Variants in ACAP2 observed in about 807,000 individuals in gnomAD.
ACAP2 encodes arf-GAP with coiled-coil, ANK repeat and PH domain-containing protein 2.
Under a neutral mutation model 115.8 loss-of-function variants are expected in ACAP2, and 39 were observed. The ratio of observed to expected loss-of-function variants is 0.34; its 90% CI spans 0.26 to 0.44. ACAP2 has a LOEUF of 0.44. Ranked by LOEUF, ACAP2 falls within the 20% of genes least tolerant of loss-of-function variation. The pLI is 1.00. For synonymous variants in ACAP2, 289 were observed against 315.8 expected (o/e 0.92, Z 0.90); for missense variants, 662 against 927.6 (o/e 0.71, Z 3.72).
chr3:195,330,881 T>C (rs774413329), intron 8 of ACAP2, among the ~76,000 whole-genome samples: 1 of 152,178 alleles, frequency 6.6e-6, no homozygotes, highest in Non-Finnish European at 1.5e-5. Context: ...TCTCCTTTCC[T>C]TCTTCCCATT....
chr3:195,442,879 A>AGCCGAGGGG lies in ACAP2; in HGVS notation c.-41_-33dup. ...TCCGCCTCGCAGGCGGCGCTGGCAA[A>AGCCGAGGGG]GCCGAGGGGGCCGCGGGAGCGGCCG... On this transcript the variant is annotated 5_prime_UTR_variant, in exon 1 of 23. Coordinates refer to ENST00000326793, the MANE Select transcript of ACAP2 (RefSeq NM_012287.6). The AGCCGAGGGG allele has an allele frequency of 1.3e-6, 2 of 1,504,608 alleles. No homozygotes were observed. The highest frequency in any genetic ancestry group is 1.8e-6 in the Non-Finnish European group (2 of 1,127,574). 93.2% of individuals were successfully genotyped at this position (1,504,608 alleles called of 1,614,324 possible). A position where few individuals can be genotyped will look rare whatever the true frequency, so the allele number is the denominator to read the frequency against.
chr3:195,369,644 T>G (rs1164131617), intron 4 of ACAP2, among the ~76,000 whole-genome samples: 1 of 152,246 alleles, frequency 6.6e-6, no homozygotes, highest in Non-Finnish European at 1.5e-5. Flanking sequence ...ACATTTTCTT[T>G]ATCCAATCTG....
intron 20 of ACAP2, 125 bp downstream of exon 20, chr3:195,291,581 A>G (rs972817168): frequency 6.5e-6 from 4 of 613,186 alleles, no homozygotes; most frequent in Admixed American, 4.0e-5. Flanking sequence ...TCGTGACAAA[A>G]TAAGTCATGG....
At chr3:195,369,039 G>A (rs1180993938) in intron 4 of ACAP2, among the ~76,000 whole-genome samples, 7 of 151,366 alleles carry the variant, frequency 4.6e-5, no homozygotes, top group South Asian at 2.1e-4. Context: ...AGCTGAGATC[G>A]TGCCACTGCA....
At chr3:195,300,044 C>CTTTTTTTTTTT (rs765234326) in intron 15 of ACAP2, among the ~76,000 whole-genome samples, 269 of 34,254 alleles carry the variant, frequency 7.9e-3, no homozygotes, top group African/African-American at 0.011. Context: ...CTTTTTTTTT[C>CTTTTTTTTTTT]TTTTTTTTTT....
rs146158605 is a variant in ACAP2, at chr3:195,403,006, C to A, written c.54-10859G>T. On this transcript the variant is annotated intron_variant, in intron 1 of 22. Transcript: ENST00000326793. ...ATCAATAAGTCAATTGGATGGTATG[C>A]GATAAGGTGGTAAGTACCATGGGAA... Among the ~76,000 whole-genome samples, 37 of 152,028 alleles carry A rather than the reference C, an allele frequency of 2.4e-4. 1 individual carries two copies. In the East Asian group the frequency reaches 7.1e-3, roughly 29 times the overall value.
At chr3:195,371,620 C>T (rs1164595326) in intron 4 of ACAP2, among the ~76,000 whole-genome samples, 2 of 152,130 alleles carry the variant, frequency 1.3e-5, no homozygotes, top group African/African-American at 4.8e-5. Flanking sequence ...AGAGGGCATC[C>T]TTGTCTTATG....
intron 4 of ACAP2, among the ~76,000 whole-genome samples, chr3:195,380,235 A>T (rs1228349414): frequency 6.6e-6 from 1 of 152,206 alleles, no homozygotes; most frequent in East Asian, 1.9e-4. Flanking sequence ...TAAAATAAAC[A>T]TTGTCATATT....
intron 1 of ACAP2, among the ~76,000 whole-genome samples, chr3:195,411,428 A>G (rs1713253212): frequency 6.6e-6 from 1 of 152,258 alleles, no homozygotes; most frequent in African/African-American, 2.4e-5. Context: ...ACGTGTGCAT[A>G]TAATAGAATA....
At chr3:195,299,642 A>T (rs1421990274) in intron 15 of ACAP2, among the ~76,000 whole-genome samples, 1 of 152,140 alleles carries the variant, frequency 6.6e-6, no homozygotes, top group Non-Finnish European at 1.5e-5. Flanking sequence ...ATCGAGACCA[A>T]CCTGGCTAAG....
At chr3:195,356,870 G>T (rs920403670) in intron 4 of ACAP2, among the ~76,000 whole-genome samples, 1 of 151,840 alleles carries the variant, frequency 6.6e-6, no homozygotes. Flanking sequence ...ACTCAGACAT[G>T]CAGACTTCAG....
chr3:195,407,616 G>A (rs1011285699), intron 1 of ACAP2, among the ~76,000 whole-genome samples: 3 of 152,046 alleles, frequency 2.0e-5, no homozygotes, highest in African/African-American at 7.2e-5. Flanking sequence ...CTGGATCACT[G>A]GAGCCTGAAG....
intron 7 of ACAP2, among the ~76,000 whole-genome samples, chr3:195,333,497 A>G (rs1473804421): frequency 2.0e-5 from 3 of 152,252 alleles, no homozygotes; most frequent in Non-Finnish European, 4.4e-5. Context: ...CACCATGCCC[A>G]GCTCACCAAA....
At chr3:195,295,634 A>G (rs1338123618) in intron 17 of ACAP2, 74 bp downstream of exon 17, 15 of 1,505,278 alleles carry the variant, frequency 1.0e-5, no homozygotes, top group Non-Finnish European at 1.4e-5. Flanking sequence ...GACAATGGCT[A>G]TTAGTTCAGG....
chr3:195,385,797 T>G (rs1410681135), intron 2 of ACAP2, among the ~76,000 whole-genome samples: 1 of 152,178 alleles, frequency 6.6e-6, no homozygotes, highest in Admixed American at 6.5e-5. Flanking sequence ...ACTTCCCCTG[T>G]AGGGTTTTAT....
In ACAP2 at chr3:195,423,496, G is replaced by A. The variant is rs190782119; in HGVS notation, c.53+19299C>T. Among the ~76,000 whole-genome samples the A allele has an allele frequency of 1.7e-4, 26 of 151,960 alleles. No homozygotes were observed. In the East Asian group the frequency reaches 4.3e-3, roughly 25 times the overall value. On this transcript the variant is annotated intron_variant, in intron 1 of 22. Transcript: ENST00000326793. ...AAATTAGCCGGGTGTGATGGCAGGC[G>A]CCTGTAATCCCAGCTACTTGGGAGG...
chr3:195,439,209 A>G (rs201232163), intron 1 of ACAP2, among the ~76,000 whole-genome samples: 1 of 59,544 alleles, frequency 1.7e-5, no homozygotes, highest in Admixed American at 1.8e-4. Context: ...TTTTTTTTTT[A>G]AGAGAGAGAG....
At chr3:195,351,078 G>T (rs1472511365) in intron 4 of ACAP2, among the ~76,000 whole-genome samples, 3 of 149,730 alleles carry the variant, frequency 2.0e-5, no homozygotes, top group Non-Finnish European at 4.4e-5. Context: ...GAAAATATCT[G>T]CAAAACATAT....
At chr3:195,301,413 T>A (rs962409008) in intron 15 of ACAP2, among the ~76,000 whole-genome samples, 162 bp downstream of exon 15, 1 of 152,180 alleles carries the variant, frequency 6.6e-6, no homozygotes, top group African/African-American at 2.4e-5. Context: ...AAACTTACAA[T>A]GAAAACACCA....
Sources: allele counts gnomAD v4.1 joint callset (sites outside exome capture counted in the v4.1 genomes callset), GRCh38; gene constraint gnomAD v4.1.1; transcripts MANE v1.5; gene names NCBI Gene and HGNC (gene_info 2026-07-23, HGNC 2026-07-21).